THEM6: variants seen among roughly 807,000 people sequenced by gnomAD.
THEM6 encodes the protein thioesterase superfamily member 6.
A neutral mutation model predicts 13.7 loss-of-function variants in THEM6; 10 were observed. The ratio of observed to expected loss-of-function variants is 0.73; its 90% confidence interval spans 0.45 to 1.24. The LOEUF (loss-of-function observed/expected upper bound fraction) is 1.24, where lower values mean the gene tolerates loss of function less well. Among genes scored for constraint, THEM6 ranks in the 50% most tolerant of loss-of-function variants. The probability of loss-of-function intolerance (pLI) is 0.00; values close to 1 mark genes in which losing one functional copy is unlikely to be tolerated. For synonymous variants in THEM6, 161 were observed against 156.0 expected (o/e 1.03, Z -0.24); for missense variants, 317 against 312.6 (o/e 1.01, Z -0.11).
intron 1 of THEM6, among the ~76,000 whole-genome samples, chr8:142,733,360 T>A (rs1815693246): frequency 6.6e-6 from 1 of 152,250 alleles, no homozygotes. Context: ...CTAGCAGATA[T>A]TTAATAATGT....
At chr8:142,728,268 G>T (rs186402409) in intron 1 of THEM6, among the ~76,000 whole-genome samples, 4 of 152,308 alleles carry the variant, frequency 2.6e-5, no homozygotes, top group Admixed American at 2.0e-4. Flanking sequence ...AGGAGTTCCC[G>T]AGGACCTGAG....
rs1554642574 is a variant in THEM6 at position 142,727,866 on chromosome 8, G to A, written c.513+7G>A. ...GCACCTGTGCCAGCGCAGGGTGAGC[G>A]GCCCCCGCCCCTGGCCCCGGAGCAC... On this transcript the variant is annotated splice_region_variant and intron_variant, in intron 1 of 1. Coordinates refer to ENST00000336138, the MANE Select transcript of THEM6 (RefSeq NM_016647.3). 5 of 1,393,986 alleles carry A rather than the reference G, an allele frequency of 3.6e-6. No homozygotes were observed. The highest frequency in any genetic ancestry group is 3.0e-5 in the African/African-American group (2 of 65,810). The allele number at this position is 1,393,986 out of a possible 1,614,324, so 86.4% of individuals were successfully genotyped here. A position where few individuals can be genotyped will look rare whatever the true frequency, so the allele number is the denominator to read the frequency against.
Position 142,735,502 on chromosome 8 carries a change from G to T in THEM6, c.*63G>T. On this transcript the variant is annotated 3_prime_UTR_variant, in exon 2 of 2. Transcript: ENST00000336138. ...GGGCCTGGGGGCTGCCCACAGATGGGCAGTCTCAGCCATACTCTGTTCCAG... is the reference window on the plus strand; with the variant it reads ...GGGCCTGGGGGCTGCCCACAGATGGTCAGTCTCAGCCATACTCTGTTCCAG... 11 of 1,258,446 alleles carry T rather than the reference G, an allele frequency of 8.7e-6. No homozygotes were observed. The highest frequency in any genetic ancestry group is 1.1e-5 in the Non-Finnish European group (10 of 886,102). The allele number at this position is 1,258,446 out of a possible 1,614,324, so 78.0% of individuals were successfully genotyped here. A position where few individuals can be genotyped will look rare whatever the true frequency, so the allele number is the denominator to read the frequency against.
At chr8:142,731,878 G>T (rs1815653173) in intron 1 of THEM6, among the ~76,000 whole-genome samples, 1 of 152,052 alleles carries the variant, frequency 6.6e-6, no homozygotes. Context: ...TCCGGCCCCG[G>T]CAGCCCAGAG....
rs1815741830 is a variant in THEM6 at position 142,735,601 on chromosome 8, T to C, written c.*162T>C. Reference sequence around the variant, plus strand: ...GCCCCCCCAGTTATTGATACCCCTCTGTGCTGGGCTCCACGCTAGGCAGAA... The same window carrying C: ...GCCCCCCCAGTTATTGATACCCCTCCGTGCTGGGCTCCACGCTAGGCAGAA... On this transcript the variant is annotated 3_prime_UTR_variant, in exon 2 of 2. Coordinates refer to ENST00000336138, the MANE Select transcript of THEM6 (RefSeq NM_016647.3). The C allele has an allele frequency of 1.6e-6, 1 of 615,464 alleles. No homozygotes were observed. The highest frequency in any genetic ancestry group is 2.5e-5 in the Admixed American group (1 of 40,126). 38.1% of individuals were successfully genotyped at this position (615,464 alleles called of 1,614,324 possible). A position where few individuals can be genotyped will look rare whatever the true frequency, so the allele number is the denominator to read the frequency against.
At chr8:142,730,954 C>T (rs1403438842) in intron 1 of THEM6, among the ~76,000 whole-genome samples, 37 of 152,090 alleles carry the variant, frequency 2.4e-4, no homozygotes, top group African/African-American at 8.7e-4. Flanking sequence ...ACCGTGTTAG[C>T]CAGGATAGTC....
chr8:142,734,987 G>A (rs1563823522), intron 1 of THEM6: 1 of 273,386 alleles, frequency 3.7e-6, no homozygotes, highest in South Asian at 5.8e-5. Flanking sequence ...TACTTTCCTG[G>A]AGGAGGGCTC....
intron 1 of THEM6, among the ~76,000 whole-genome samples, chr8:142,728,937 CTTTTTT>C (rs58263738): frequency 0.015 from 1,621 of 107,300 alleles, 38 homozygotes; most frequent in African/African-American, 0.055. Context: ...TTACTATTTT[CTTTTTT>C]TTTTTTTTTT....
intron 1 of THEM6, among the ~76,000 whole-genome samples, chr8:142,729,966 C>T (rs1457407754): frequency 2.6e-5 from 4 of 152,114 alleles, no homozygotes; most frequent in East Asian, 3.8e-4. Flanking sequence ...AGGGCTGGGA[C>T]GTAAGCATTT....
intron 1 of THEM6, among the ~76,000 whole-genome samples, chr8:142,728,518 GC>G (rs1389535632): frequency 1.3e-5 from 2 of 152,244 alleles, no homozygotes; most frequent in African/African-American, 4.8e-5. Context: ...CAGAAAAGTT[GC>G]CTGGAGCGTC....
Position 142,727,324 on chromosome 8 carries a change from A to AC in THEM6, c.-19dup. ...GCACCGGCGCCACGGACTCCGCAGG[A>AC]CCCCGCGCCCGCCGCCGCCGCTATG... On this transcript the variant is annotated 5_prime_UTR_variant, in exon 1 of 2. Transcript: ENST00000336138. 3.3e-6 allele frequency: 5 copies of AC among 1,495,354 alleles called. No homozygotes were observed. The South Asian group carries it at 5.0e-5, about 15-fold the overall frequency. 92.6% of individuals were successfully genotyped at this position (1,495,354 alleles called of 1,614,324 possible).
In THEM6 at chr8:142,732,322, CT is replaced by C. The variant is rs1815667364; in HGVS notation, c.514-3001del. 4.0e-5 allele frequency among the ~76,000 whole-genome samples: 6 copies of C among 150,520 alleles called. No individual in the cohort carries two copies. The South Asian group carries it at 1.3e-3, about 32-fold the overall frequency. ...CCCTGGGAGGTTGACCTGTTTCCTCCTTTCCCCCCAAAGGTCCCTTGCATAC... is the reference window on the plus strand; with the variant it reads ...CCCTGGGAGGTTGACCTGTTTCCTCCTTCCCCCCAAAGGTCCCTTGCATAC... On this transcript the variant is annotated intron_variant, in intron 1 of 1. Transcript: ENST00000336138.
At position 142,727,606 on chromosome 8, in the gene THEM6, T is replaced by C; in HGVS notation, c.260T>C (p.Val87Ala). 1 of 1,507,548 alleles carries C rather than the reference T, an allele frequency of 6.6e-7. No individual in the cohort carries two copies. The highest frequency in any genetic ancestry group is 1.2e-5 in the South Asian group (1 of 81,288). 93.4% of individuals were successfully genotyped at this position (1,507,548 alleles called of 1,614,324 possible). The change falls in exon 1 of 2, where the codon GTG becomes GCG. Residue 87 changes from valine (V) to alanine (A), a missense_variant. By Grantham distance (64) the Val-to-Ala change is moderately conservative. Coordinates refer to ENST00000336138, the MANE Select transcript of THEM6 (RefSeq NM_016647.3). ...GTCGCGCACCTGACCCGCTGCGGGG[T>C]GCTCGGGGCGCTGAGGGAGTTGCGG... Reference protein sequence around the residue: ...ARVAHLTRCGVLGALRELRAH... With the variant: ...ARVAHLTRCGALGALRELRAH...
intron 1 of THEM6, among the ~76,000 whole-genome samples, chr8:142,730,527 C>T (rs1815623720): frequency 6.6e-6 from 1 of 152,222 alleles, no homozygotes; most frequent in Non-Finnish European, 1.5e-5. Flanking sequence ...CACTGCGGCC[C>T]TGCCTCCTCT....
rs587669408 is a variant in THEM6, at chr8:142,733,610, G to A, written c.514-1716G>A. On this transcript the variant is annotated intron_variant, in intron 1 of 1. Coordinates refer to ENST00000336138, the MANE Select transcript of THEM6 (RefSeq NM_016647.3). ...CACTGAGAGGTCATGTCAGGAATGG[G>A]GAAACTGAGGCTCAGAGGAGCTATG... Among the ~76,000 whole-genome samples the A allele has an allele frequency of 2.4e-3, 363 of 152,306 alleles. 1 individual carries two copies. The highest frequency in any genetic ancestry group is 0.01 in the Middle Eastern group (3 of 294).
At position 142,736,172 on chromosome 8, in the gene THEM6, G is replaced by C. The variant is rs1025826004; in HGVS notation, c.*733G>C. ...ACAGGGGCTCCTGGAAAGACAGCAG[G>C]CTTCCTGCTGGGCGTTCCCTTGTTG... On this transcript the variant is annotated 3_prime_UTR_variant, in exon 2 of 2. Transcript: ENST00000336138. 1 of 152,468 alleles carries C rather than the reference G, an allele frequency of 6.6e-6. No homozygotes were observed. Among genetic ancestry groups the C allele is most frequent in the Non-Finnish European group, 1.5e-5 (1 of 68,260 alleles). The allele number at this position is 152,468 out of a possible 1,614,324, so 9.4% of individuals were successfully genotyped here.
At chr8:142,732,509 G>A (rs1308215513) in intron 1 of THEM6, among the ~76,000 whole-genome samples, 1 of 151,860 alleles carries the variant, frequency 6.6e-6, no homozygotes, top group East Asian at 1.9e-4. Flanking sequence ...CTGTCCAGCA[G>A]GAGGACTTGT....
rs1815513718 is a variant in THEM6, at chr8:142,727,354, G to A, written c.8G>A (p.Gly3Glu). 2 of 1,517,670 alleles carry A rather than the reference G, an allele frequency of 1.3e-6. No individual in the cohort carries two copies. Among genetic ancestry groups the A allele is most frequent in the Non-Finnish European group, 1.8e-6 (2 of 1,139,634 alleles). 94.0% of individuals were successfully genotyped at this position (1,517,670 alleles called of 1,614,324 possible). The change falls in exon 1 of 2, where the codon GGG becomes GAG. Residue 3 changes from glycine to glutamate, a missense_variant. Coordinates refer to ENST00000336138, the MANE Select transcript of THEM6 (RefSeq NM_016647.3). The stretch of plus-strand genomic sequence containing the variant: ...GCGCCCGCCGCCGCCGCTATGCTGG[G>A]GCTGCTGGTGGCGTTGCTGGCCCTG... ML[G>E]LLVALLALGL...
Position 142,727,601 on chromosome 8 carries a change from C to T in THEM6, c.255C>T (p.Cys85=). 1 of 1,509,348 alleles carries T rather than the reference C, an allele frequency of 6.6e-7. No homozygotes were observed. The highest frequency in any genetic ancestry group is 8.8e-7 in the Non-Finnish European group (1 of 1,136,426). The allele number at this position is 1,509,348 out of a possible 1,614,324, so 93.5% of individuals were successfully genotyped here. ...DFARVAHLTR[C]GVLGALRELR... ...CGCGCGTCGCGCACCTGACCCGCTG[C>T]GGGGTGCTCGGGGCGCTGAGGGAGT... is the stretch of plus-strand genomic sequence containing the variant. Residue 85 remains cysteine, a synonymous_variant, in exon 1 of 2, where the codon TGC becomes TGT. Coordinates refer to ENST00000336138, the MANE Select transcript of THEM6 (RefSeq NM_016647.3).
Sources: gnomAD v4.1 joint callset for allele counts (sites outside exome capture counted in the v4.1 genomes callset) on GRCh38, gnomAD v4.1.1 for gene constraint, MANE v1.5 for transcripts, NCBI Gene and HGNC (gene_info 2026-07-23, HGNC 2026-07-21) for gene names.